DLG5: variants seen among roughly 807,000 people sequenced by gnomAD.
The protein encoded by DLG5 is disks large homolog 5.
In DLG5, 48 loss-of-function variants were observed where a neutral mutation model predicts 189.8. That is an observed-to-expected ratio of 0.25 (90% CI 0.20 to 0.32). The LOEUF is 0.32. Among genes scored for constraint, DLG5 ranks in the 10% least tolerant of loss-of-function variants. DLG5 has a pLI of 1.00. For synonymous variants in DLG5, 1,016 were observed against 1,054.1 expected (o/e 0.96, Z 0.70); for missense variants, 2,160 against 2,544.7 (o/e 0.85, Z 3.25).
intron 3 of DLG5, among the ~76,000 whole-genome samples, chr10:77,856,191 A>T (rs573403060): frequency 3.4e-5 from 5 of 146,986 alleles, no homozygotes; most frequent in African/African-American, 7.5e-5. Flanking sequence ...CAAAAAAATT[A>T]AAAAAAAAAA....
Position 77,807,881 on chromosome 10 carries a change from T to C in DLG5, c.4711A>G (p.Arg1571Gly). 1 of 1,614,220 alleles carries C rather than the reference T, an allele frequency of 6.2e-7. No homozygotes were observed. The highest frequency in any genetic ancestry group is 1.3e-5 in the African/African-American group (1 of 75,070). The stretch of plus-strand genomic sequence containing the variant: ...TGCACCTTCAGGCGGACGCCATCCC[T>C]GGGCTTCAGCATCTCCACATAGACT... ...EEVYVEMLKP[R>G]DGVRLKVQYR... The change falls in exon 25 of 32, where the codon AGG becomes GGG. Residue 1571 changes from arginine (R) to glycine (G), a missense_variant. Coordinates refer to ENST00000372391, the MANE Select transcript of DLG5 (RefSeq NM_004747.4).
At chr10:77,808,995 A>G (rs1035158307) in intron 24 of DLG5, among the ~76,000 whole-genome samples, 4 of 151,926 alleles carry the variant, frequency 2.6e-5, no homozygotes, top group African/African-American at 2.4e-5. Flanking sequence ...GCTACTCAGG[A>G]GGCTGAGGCA....
intron 15 of DLG5, 79 bp from the exon 16 acceptor site, chr10:77,820,097 GC>G: frequency 6.3e-7 from 1 of 1,580,144 alleles, no homozygotes; most frequent in Non-Finnish European, 8.6e-7. Context: ...TATAATCCCA[GC>G]ACTCTGGGAG....
At chr10:77,862,700 G>A (rs971197098) in intron 2 of DLG5, among the ~76,000 whole-genome samples, 7 of 152,218 alleles carry the variant, frequency 4.6e-5, no homozygotes, top group Non-Finnish European at 7.3e-5. Flanking sequence ...ACTGTGTTAT[G>A]TCCTTATGAT....
intron 2 of DLG5, chr10:77,868,589 G>A (rs1364694361): frequency 4.3e-6 from 1 of 234,382 alleles, no homozygotes; most frequent in Non-Finnish European, 8.4e-6. Context: ...GGTCAGATCA[G>A]GCCATGAGAA....
At chr10:77,843,356 C>T (rs758807256) in intron 6 of DLG5, 91 bp downstream of exon 6, 30 of 1,468,370 alleles carry the variant, frequency 2.0e-5, no homozygotes, top group Admixed American at 4.3e-5. Flanking sequence ...ATTGAAAAAG[C>T]ACAATAACTC....
chr10:77,925,636 C>T (rs986123788), intron 1 of DLG5, among the ~76,000 whole-genome samples: 1 of 152,232 alleles, frequency 6.6e-6, no homozygotes, highest in Non-Finnish European at 1.5e-5. Context: ...GCAACTTCCC[C>T]AACTTTTCCG....
At chr10:77,870,741 C>T (rs554951042) in intron 1 of DLG5, among the ~76,000 whole-genome samples, 2 of 151,532 alleles carry the variant, frequency 1.3e-5, no homozygotes, top group Non-Finnish European at 2.9e-5. Context: ...CCACCCTACA[C>T]GCATCTTTGG....
upstream of DLG5, among the ~76,000 whole-genome samples, chr10:77,931,040 G>A (rs1335412054): frequency 7.3e-5 from 11 of 151,528 alleles, no homozygotes; most frequent in East Asian, 7.8e-4. Context: ...GGCTGGTCTC[G>A]AACTCCCAAC....
chr10:77,809,410 A>G (rs1197785255), intron 24 of DLG5, 137 bp downstream of exon 24: 1 of 984,286 alleles, frequency 1.0e-6, no homozygotes, highest in Non-Finnish European at 1.5e-6. Context: ...TGCCTCAACA[A>G]CAACAACAAA....
In DLG5 at chr10:77,837,214, CAAAAAAAAA is replaced by C. The variant is rs10531052; in HGVS notation, c.1438-1301_1438-1293del. Among the ~76,000 whole-genome samples, 5 of 69,690 alleles carry C rather than the reference CAAAAAAAAA, an allele frequency of 7.2e-5. No individual in the cohort carries two copies. In the South Asian group the frequency reaches 3.0e-3, roughly 42 times the overall value. 45.7% of individuals were successfully genotyped at this position (69,690 alleles called of 152,430 possible). On this transcript the variant is annotated intron_variant, in intron 7 of 31. Transcript: ENST00000372391. Reference sequence around the variant, plus strand: ...TGGACAACAGAGGGAGACTCGGTCTCAAAAAAAAAAAAAAAAAAAAAAAAAAAGTGTATT... The same window carrying C: ...TGGACAACAGAGGGAGACTCGGTCTCAAAAAAAAAAAAAAAAAAGTGTATT...
intron 1 of DLG5, among the ~76,000 whole-genome samples, chr10:77,874,273 G>C (rs1845015709): frequency 6.6e-6 from 1 of 152,226 alleles, no homozygotes; most frequent in Non-Finnish European, 1.5e-5. Context: ...TCCCAGCCCA[G>C]CCCCTTATGA....
chr10:77,803,951 G>A (rs551815396), intron 27 of DLG5, among the ~76,000 whole-genome samples: 6 of 149,624 alleles, frequency 4.0e-5, no homozygotes, highest in South Asian at 4.2e-4. Context: ...GTGCAGTGGC[G>A]TGATCACAGT....
At chr10:77,892,289 GA>G (rs1158040085) in intron 1 of DLG5, among the ~76,000 whole-genome samples, 2 of 152,208 alleles carry the variant, frequency 1.3e-5, no homozygotes, top group East Asian at 3.8e-4. Flanking sequence ...CAACCTGTGA[GA>G]AAAACACTGC....
chr10:77,888,924 C>T (rs1845525143), intron 1 of DLG5, among the ~76,000 whole-genome samples: 7 of 139,662 alleles, frequency 5.0e-5, no homozygotes, highest in Admixed American at 5.0e-4. Context: ...ACATTCAAAT[C>T]TCCAAACGTC....
At chr10:77,920,461 C>T (rs111386013) in intron 1 of DLG5, among the ~76,000 whole-genome samples, 7 of 152,306 alleles carry the variant, frequency 4.6e-5, no homozygotes, top group African/African-American at 7.2e-5. Flanking sequence ...CTTTTACCTG[C>T]GTGACATCGC....
chr10:77,812,489 T>C (rs1841828682), intron 20 of DLG5, 112 bp from the exon 21 acceptor site: 1 of 1,255,348 alleles, frequency 8.0e-7, no homozygotes, highest in African/African-American at 1.5e-5. Flanking sequence ...GCCCCGAGCC[T>C]GGATGCTCCC....
chr10:77,808,866 G>A (rs890545374), intron 24 of DLG5, among the ~76,000 whole-genome samples: 8 of 152,212 alleles, frequency 5.3e-5, no homozygotes, highest in South Asian at 2.1e-4. Context: ...AGGCCGAGGC[G>A]GGTGGATCAC....
At position 77,796,061 on chromosome 10, in the gene DLG5, C is replaced by T. The variant is rs1442681330; in HGVS notation, c.5436G>A (p.Lys1812=). ...ATCCTCAGACTGAAGCCCTGGGTAC[C>T]TTTTCTGTGATCTCCTTTATTGACG... ...TVASIKEITE[K]NRHCLLDIAP... Residue 1812 remains lysine (K), a splice_region_variant and synonymous_variant, in exon 29 of 32, where the codon AAG becomes AAA. Coordinates refer to ENST00000372391, the MANE Select transcript of DLG5 (RefSeq NM_004747.4). This position sits in a 1 kb window ranked among gnomAD's most constrained non-coding sequence, Gnocchi z 5.2. The T allele has an allele frequency of 6.2e-7, 1 of 1,614,192 alleles. No homozygotes were observed. Among genetic ancestry groups the T allele is most frequent in the East Asian group, 2.2e-5 (1 of 44,880 alleles).
Sources: allele counts gnomAD v4.1 joint callset (sites outside exome capture counted in the v4.1 genomes callset), GRCh38; gene constraint gnomAD v4.1.1; non-coding constraint Gnocchi (gnomAD v3.1); transcripts MANE v1.5; gene names NCBI Gene and HGNC (gene_info 2026-07-23, HGNC 2026-07-21).